DSCAM: variants seen among roughly 807,000 people sequenced by gnomAD.
The protein encoded by DSCAM is DS cell adhesion molecule.
Under a neutral mutation model 217.7 loss-of-function variants are expected in DSCAM, and 47 were observed. The ratio of observed to expected loss-of-function variants is 0.22; its 90% CI spans 0.17 to 0.28. The LOEUF (loss-of-function observed/expected upper bound fraction) is 0.28, where lower values mean the gene tolerates loss of function less well. Ranked by LOEUF, DSCAM falls within the 10% of genes least tolerant of loss-of-function variation. The pLI, the probability that DSCAM is intolerant of heterozygous loss-of-function variation, is 1.00. For synonymous variants in DSCAM, 1,056 were observed against 1,015.3 expected, an observed-to-expected ratio of 1.04 and a Z score of -0.76; for missense variants, 2,080 against 2,618.3, an observed-to-expected ratio of 0.79 and a Z score of 4.49.
chr21:40,579,724 A>G (rs1287156831), intron 3 of DSCAM, among the ~76,000 whole-genome samples: 1 of 152,226 alleles, frequency 6.6e-6, no homozygotes, highest in Non-Finnish European at 1.5e-5. Context: ...ATAAATGTCA[A>G]TATAGGATTC....
At chr21:40,473,346 C>T (rs1487233117) in intron 3 of DSCAM, among the ~76,000 whole-genome samples, 1 of 152,166 alleles carries the variant, frequency 6.6e-6, no homozygotes, top group African/African-American at 2.4e-5. Flanking sequence ...GAATTAATTA[C>T]AAAGCTTATT....
At chr21:40,686,414 C>T (rs1030604074) in intron 3 of DSCAM, among the ~76,000 whole-genome samples, 1 of 151,932 alleles carries the variant, frequency 6.6e-6, no homozygotes, top group Non-Finnish European at 1.5e-5. Flanking sequence ...CACACGTATG[C>T]ACACACCACA....
intron 3 of DSCAM, among the ~76,000 whole-genome samples, chr21:40,374,629 T>C (rs1269398727): frequency 1.3e-5 from 2 of 152,220 alleles, no homozygotes; most frequent in African/African-American, 4.8e-5. Context: ...TGCTATGAAC[T>C]GAATGTTTGC....
At chr21:40,316,298 A>G (rs1322140975) in intron 8 of DSCAM, among the ~76,000 whole-genome samples, 1 of 152,210 alleles carries the variant, frequency 6.6e-6, no homozygotes, top group Non-Finnish European at 1.5e-5. Context: ...TGTTAATGTA[A>G]ATTAAATCAC....
chr21:40,766,971 C>T (rs1173843767), intron 1 of DSCAM, among the ~76,000 whole-genome samples: 1 of 152,104 alleles, frequency 6.6e-6, no homozygotes, highest in Non-Finnish European at 1.5e-5. Context: ...CAGGCATGAG[C>T]CACCGTGTCC....
At chr21:40,603,625 TTTTTTG>T (rs1322803121) in intron 3 of DSCAM, among the ~76,000 whole-genome samples, 1 of 152,194 alleles carries the variant, frequency 6.6e-6, no homozygotes, top group Non-Finnish European at 1.5e-5. Context: ...TTCCCTCAAT[TTTTTTG>T]TGTCTGACAA....
chr21:40,482,775 G>T (rs1315173511), intron 3 of DSCAM, among the ~76,000 whole-genome samples: 2 of 152,122 alleles, frequency 1.3e-5, no homozygotes, highest in African/African-American at 4.8e-5. Flanking sequence ...ATTTCAGCAA[G>T]ACAATTTATA....
chr21:40,774,141 C>T lies in DSCAM; in HGVS notation c.44-65370G>A, dbSNP rs574770084. 2.6e-5 allele frequency among the ~76,000 whole-genome samples: 4 copies of T among 152,278 alleles called. No homozygotes were observed. The South Asian group carries it at 8.3e-4, about 32-fold the overall frequency. ...TGCACACCACATCATACAGGACAGG[C>T]GGCCTGTGACTTAGTTACTATGAGA... is the stretch of plus-strand genomic sequence containing the variant. On this transcript the variant is annotated intron_variant, in intron 1 of 32. Coordinates refer to ENST00000400454, the MANE Select transcript of DSCAM (RefSeq NM_001389.5).
At chr21:40,737,196 A>C (rs2091072647) in intron 1 of DSCAM, among the ~76,000 whole-genome samples, 1 of 152,198 alleles carries the variant, frequency 6.6e-6, no homozygotes, top group Admixed American at 6.5e-5. Context: ...CTTGGTTATA[A>C]AATAAAAGGC....
intron 3 of DSCAM, among the ~76,000 whole-genome samples, chr21:40,539,563 GTTTA>G (rs1319959443): frequency 6.6e-6 from 1 of 152,092 alleles, no homozygotes; most frequent in Non-Finnish European, 1.5e-5. Flanking sequence ...GAGAAAAGGA[GTTTA>G]TTTCTTAAAA....
intron 3 of DSCAM, among the ~76,000 whole-genome samples, chr21:40,606,200 C>T (rs1314310223): frequency 1.3e-5 from 2 of 152,114 alleles, no homozygotes; most frequent in Non-Finnish European, 2.9e-5. Flanking sequence ...TCATTTAATG[C>T]TTCTGAATTA....
In DSCAM at chr21:40,076,195, A is replaced by G. The variant is rs550172037; in HGVS notation, c.4712-982T>C. Reference sequence around the variant, plus strand: ...TGTGATCTCTGCTAAAGCTGAGAAGAGTGTTCTCCCAACTTTAAAGTGTTT... The same window carrying G: ...TGTGATCTCTGCTAAAGCTGAGAAGGGTGTTCTCCCAACTTTAAAGTGTTT... On this transcript the variant is annotated intron_variant, in intron 26 of 32. Transcript: ENST00000400454. Among the ~76,000 whole-genome samples the G allele has an allele frequency of 3.3e-5, 5 of 152,162 alleles. No individual in the cohort carries two copies. In the East Asian group the frequency reaches 9.6e-4, roughly 29 times the overall value.
rs1555892368 is a variant in DSCAM at position 40,821,391 on chromosome 21, G to GCA, written c.43+25227_43+25228insTG. 1.5e-4 allele frequency among the ~76,000 whole-genome samples: 21 copies of GCA among 143,504 alleles called. 1 individual carries two copies. The highest frequency in any genetic ancestry group is 1.3e-3 in the Admixed American group (17 of 13,442). The allele number at this position is 143,504 out of a possible 152,430, so 94.1% of individuals were successfully genotyped here. ...TGCATGCACACACACAGACACACGC[G>GCA]CGCACACACACACACACACACACAC... On this transcript the variant is annotated intron_variant, in intron 1 of 32. Coordinates refer to ENST00000400454, the MANE Select transcript of DSCAM (RefSeq NM_001389.5).
chr21:40,836,673 T>C (rs184452820), intron 1 of DSCAM, among the ~76,000 whole-genome samples: 2 of 152,322 alleles, frequency 1.3e-5, no homozygotes, highest in Admixed American at 6.5e-5. Flanking sequence ...GTGTGTGTTT[T>C]GCAAAGGTGA....
intron 3 of DSCAM, among the ~76,000 whole-genome samples, chr21:40,509,762 C>T (rs1050309685): frequency 6.6e-6 from 1 of 152,224 alleles, no homozygotes; most frequent in Non-Finnish European, 1.5e-5. Context: ...AAATTTTATA[C>T]ATGCATTCTG....
intron 11 of DSCAM, among the ~76,000 whole-genome samples, chr21:40,207,419 C>T (rs2146871232): frequency 6.6e-6 from 1 of 152,192 alleles, no homozygotes; most frequent in South Asian, 2.1e-4. Flanking sequence ...TTCTGGGAAG[C>T]CAGTTTGGCC....
intron 32 of DSCAM, among the ~76,000 whole-genome samples, chr21:40,025,145 T>C (rs2088352767): frequency 8.4e-6 from 1 of 119,200 alleles, no homozygotes; most frequent in Non-Finnish European, 1.8e-5. Context: ...GTTTTTGTCT[T>C]TGGCTCTGTT....
At chr21:40,357,521 A>C (rs10483065) in intron 4 of DSCAM, among the ~76,000 whole-genome samples, 111,530 of 152,130 alleles carry the variant, frequency 0.73, 41,332 homozygotes, top group African/African-American at 0.83. Flanking sequence ...GGATTTTTTA[A>C]TTCCTAGTAC....
At chr21:40,370,193 A>G (rs561935104) in intron 3 of DSCAM, among the ~76,000 whole-genome samples, 1 of 152,258 alleles carries the variant, frequency 6.6e-6, no homozygotes, top group East Asian at 1.9e-4. Flanking sequence ...TAAAATGTAA[A>G]TGATCATCGT....
Sources: allele counts gnomAD v4.1 joint callset (sites outside exome capture counted in the v4.1 genomes callset), GRCh38; gene constraint gnomAD v4.1.1; transcripts MANE v1.5; gene names NCBI Gene and HGNC (gene_info 2026-07-23, HGNC 2026-07-21).